Variants in EPHB2 observed in about 807,000 individuals in gnomAD.
EPHB2 encodes ephrin type-B receptor 2.
Under a neutral mutation model 96.4 loss-of-function variants are expected in EPHB2, and 18 were observed. The observed-to-expected ratio is 0.19, with a 90% CI of 0.13 to 0.28. EPHB2 has a LOEUF of 0.28. Among genes scored for constraint, EPHB2 ranks in the 10% least tolerant of loss-of-function variants. The pLI, the probability that EPHB2 is intolerant of heterozygous loss-of-function variation, is 1.00. For synonymous variants in EPHB2, 506 were observed against 534.1 expected, an observed-to-expected ratio of 0.95 and a Z score of 0.72; for missense variants, 989 against 1,355.4, an observed-to-expected ratio of 0.73 and a Z score of 4.25.
intron 5 of EPHB2, among the ~76,000 whole-genome samples, chr1:22,865,469 G>A (rs1418223654): frequency 6.6e-6 from 1 of 152,204 alleles, no homozygotes; most frequent in Non-Finnish European, 1.5e-5. Flanking sequence ...TCCAACATTA[G>A]GTGACTTAAA....
At chr1:22,871,220 ATC>A (rs1638654579) in intron 5 of EPHB2, among the ~76,000 whole-genome samples, 1 of 152,190 alleles carries the variant, frequency 6.6e-6, no homozygotes, top group African/African-American at 2.4e-5. Flanking sequence ...GAATAATTGT[ATC>A]TCTGCATCCT....
chr1:22,729,628 T>C lies in EPHB2; in HGVS notation c.61+18585T>C, dbSNP rs180757747. Among the ~76,000 whole-genome samples the C allele has an allele frequency of 3.7e-3, 570 of 152,340 alleles. 4 individuals are homozygous for C. The highest frequency in any genetic ancestry group is 0.013 in the African/African-American group (540 of 41,582). ...CACTGCTTGGTCCCTTTAGCTGGAA[T>C]GCTGTTCCCTTATCCTTGGATAACT... is the stretch of plus-strand genomic sequence containing the variant. On this transcript the variant is annotated intron_variant, in intron 1 of 15. Transcript: ENST00000374630.
chr1:22,760,943 G>A (rs1209820609), intron 1 of EPHB2, among the ~76,000 whole-genome samples: 2 of 152,202 alleles, frequency 1.3e-5, no homozygotes, highest in Non-Finnish European at 2.9e-5. Flanking sequence ...TCAGAGAGGT[G>A]AATGCATGTG....
At chr1:22,762,538 G>A (rs1283884919) in intron 1 of EPHB2, among the ~76,000 whole-genome samples, 2 of 152,080 alleles carry the variant, frequency 1.3e-5, no homozygotes, top group Non-Finnish European at 2.9e-5. Context: ...GCCAAGGGGT[G>A]GTGTGTGAGT....
intron 1 of EPHB2, among the ~76,000 whole-genome samples, chr1:22,751,490 C>T (rs1471501825): frequency 6.6e-6 from 1 of 152,234 alleles, no homozygotes; most frequent in Admixed American, 6.5e-5. Flanking sequence ...ATGTCTTTAC[C>T]TTGTCTTCCA....
rs1200307122 is a variant in EPHB2 at position 22,865,223 on chromosome 1, C to T, written c.1303+11C>T. 36 of 1,614,074 alleles carry T rather than the reference C, an allele frequency of 2.2e-5. No individual in the cohort carries two copies. The highest frequency in any genetic ancestry group is 2.9e-5 in the Non-Finnish European group (34 of 1,180,038). ...CCACCAACCAGGCAGGTAAGTGCTT[C>T]CGACGTGGGCCAGGGGAGTGCCCCA... On this transcript the variant is annotated intron_variant, in intron 5 of 15. Transcript: ENST00000374630.
intron 13 of EPHB2, among the ~76,000 whole-genome samples, chr1:22,909,947 A>T (rs891226008): frequency 1.3e-5 from 2 of 151,906 alleles, no homozygotes; most frequent in African/African-American, 4.8e-5. Context: ...TGATAGAGGG[A>T]GGTATCTCAC....
chr1:22,796,191 T>C (rs1374460964), intron 3 of EPHB2, among the ~76,000 whole-genome samples: 2 of 152,146 alleles, frequency 1.3e-5, no homozygotes, highest in Non-Finnish European at 2.9e-5. Flanking sequence ...AGTTGGGGAA[T>C]ACAGTGGGAA....
At chr1:22,805,903 G>A (rs923853185) in intron 3 of EPHB2, among the ~76,000 whole-genome samples, 1 of 152,174 alleles carries the variant, frequency 6.6e-6, no homozygotes, top group African/African-American at 2.4e-5. Context: ...ATGCAGCAGG[G>A]GGCAGGAGCC....
At chr1:22,781,354 G>T in intron 1 of EPHB2, 67 bp from the exon 2 acceptor site, 1 of 1,394,284 alleles carries the variant, frequency 7.2e-7, no homozygotes. Context: ...AAGGATGAGG[G>T]CCCAACAGAA....
intron 3 of EPHB2, among the ~76,000 whole-genome samples, chr1:22,834,425 G>A (rs1411799701): frequency 6.6e-6 from 1 of 152,148 alleles, no homozygotes; most frequent in Non-Finnish European, 1.5e-5. Context: ...AAAATACCTT[G>A]TCTGAATCTT....
At chr1:22,827,442 C>T (rs1319226511) in intron 3 of EPHB2, among the ~76,000 whole-genome samples, 2 of 152,168 alleles carry the variant, frequency 1.3e-5, no homozygotes, top group African/African-American at 2.4e-5. Context: ...GTCCAGTGGC[C>T]GCCAGCCTGG....
In EPHB2 at chr1:22,863,277, G is replaced by A. The variant is rs72871539; in HGVS notation, c.967+85G>A. On this transcript the variant is annotated intron_variant, in intron 4 of 15. Transcript: ENST00000374630. ...AAGCTCAGAGTGAGGATTGGGTGCC[G>A]TCCGGTTACAGCCAGTCTTTCCCTG... is the stretch of plus-strand genomic sequence containing the variant. The A allele has an allele frequency of 2.1e-3, 3,428 of 1,594,542 alleles. 52 individuals carry two copies. In the African/African-American group the frequency reaches 0.038, roughly 17 times the overall value.
intron 1 of EPHB2, among the ~76,000 whole-genome samples, chr1:22,746,872 C>T (rs1643984005): frequency 1.3e-5 from 2 of 152,272 alleles, no homozygotes; most frequent in Non-Finnish European, 2.9e-5. Context: ...ACCTGTGACC[C>T]CCCGGGGGTG....
chr1:22,879,814 C>T (rs1638973585), intron 5 of EPHB2, among the ~76,000 whole-genome samples: 1 of 152,240 alleles, frequency 6.6e-6, no homozygotes, highest in South Asian at 2.1e-4. Context: ...CAACCAGACC[C>T]CTGATCCCAA....
intron 1 of EPHB2, among the ~76,000 whole-genome samples, chr1:22,766,747 G>A (rs1420390878): frequency 1.3e-5 from 2 of 152,328 alleles, no homozygotes; most frequent in South Asian, 4.1e-4. Flanking sequence ...AGATGCTTGA[G>A]GTTCCGGGTC....
intron 1 of EPHB2, among the ~76,000 whole-genome samples, chr1:22,756,580 A>C (rs1487679739): frequency 6.6e-6 from 1 of 152,050 alleles, no homozygotes; most frequent in African/African-American, 2.4e-5. Flanking sequence ...GTGTGGGGGA[A>C]GTGGCGGGGG....
In EPHB2 at chr1:22,805,863, C is replaced by T. The variant is rs12408669; in HGVS notation, c.811+20787C>T. Among the ~76,000 whole-genome samples the T allele has an allele frequency of 6.5e-3, 994 of 152,286 alleles. 25 individuals carry two copies. The highest frequency in any genetic ancestry group is 0.049 in the Admixed American group (757 of 15,302). On this transcript the variant is annotated intron_variant, in intron 3 of 15. Transcript: ENST00000374630. ...AAAGAATGGAATGAGCTAAAGCAGC[C>T]GCCTGGGGTGGGAGGCCGAGCCCAT...
intron 3 of EPHB2, among the ~76,000 whole-genome samples, chr1:22,818,083 A>G (rs192448350): frequency 6.6e-6 from 1 of 150,740 alleles, no homozygotes; most frequent in East Asian, 2.5e-4. Context: ...GGGCTTAGAC[A>G]CTTAACCTCT....
Sources: gnomAD v4.1 joint callset for allele counts (sites outside exome capture counted in the v4.1 genomes callset) on GRCh38, gnomAD v4.1.1 for gene constraint, MANE v1.5 for transcripts, NCBI Gene and HGNC (gene_info 2026-07-23, HGNC 2026-07-21) for gene names.